PARP16: variants seen among roughly 807,000 people sequenced by gnomAD.
PARP16 encodes the protein poly(ADP-ribose) polymerase family member 16.
In PARP16, 31 loss-of-function variants were observed where a neutral mutation model predicts 35.0. The ratio of observed to expected loss-of-function variants is 0.88; its 90% CI spans 0.66 to 1.19. The LOEUF is 1.19. PARP16 is among the 50% of genes most tolerant of loss of function. PARP16 has a pLI of 0.00. For synonymous variants in PARP16, 162 were observed against 169.5 expected, an observed-to-expected ratio of 0.96 and a Z score of 0.34; for missense variants, 424 against 411.2, an observed-to-expected ratio of 1.03 and a Z score of -0.27.
intron 1 of PARP16, among the ~76,000 whole-genome samples, chr15:65,283,320 C>G (rs976422281): frequency 2.0e-5 from 3 of 151,984 alleles, no homozygotes; most frequent in Admixed American, 2.0e-4. Context: ...CCCTCTGACC[C>G]CAAACACTCC....
intron 3 of PARP16, among the ~76,000 whole-genome samples, chr15:65,238,178 G>A (rs1421735419): frequency 1.3e-5 from 2 of 152,126 alleles, no homozygotes; most frequent in Non-Finnish European, 2.9e-5. Context: ...CAGCTACTTG[G>A]GAGACTGAGG....
Position 65,239,452 on chromosome 15 carries a change from A to AAAAAG in PARP16, c.*98-4630_*98-4629insCTTTT, listed in dbSNP as rs34910178. On this transcript the variant is annotated intron_variant and NMD_transcript_variant, in intron 3 of 3. Transcript: ENST00000559805. ...AAAAAAAAAAAAAAAAAAAAAAAAAAAGAGAGAAAAGAAAAAAAAAAGAAA... is the reference window on the plus strand; with the variant it reads ...AAAAAAAAAAAAAAAAAAAAAAAAAAAAAAGAGAGAGAAAAGAAAAAAAAAAGAAA... 1.4e-3 allele frequency among the ~76,000 whole-genome samples: 154 copies of AAAAAG among 113,054 alleles called. 4 individuals are homozygous for AAAAAG. Among genetic ancestry groups the AAAAAG allele is most frequent in the African/African-American group, 4.2e-3 (132 of 31,630 alleles). The allele number at this position is 113,054 out of a possible 152,430, so 74.2% of individuals were successfully genotyped here.
At chr15:65,275,367 C>A (rs1031088930) in intron 1 of PARP16, among the ~76,000 whole-genome samples, 4 of 152,074 alleles carry the variant, frequency 2.6e-5, no homozygotes, top group Non-Finnish European at 5.9e-5. Context: ...GGGCTCTATT[C>A]CTCTACTAGC....
chr15:65,235,934 T>TG (rs2088869282), intron 3 of PARP16, among the ~76,000 whole-genome samples: 1 of 146,012 alleles, frequency 6.8e-6, no homozygotes, highest in African/African-American at 2.5e-5. Context: ...ACGATCTCAC[T>TG]GCAACCTCCG....
Position 65,286,525 on chromosome 15 carries a change from AGGGGCCGGGTTCCCAAGCCTG to A in PARP16, c.-120_-100del. 6.4e-6 allele frequency: 6 copies of A among 936,660 alleles called. No homozygotes were observed. The highest frequency in any genetic ancestry group is 8.9e-6 in the Non-Finnish European group (6 of 670,516). The allele number at this position is 936,660 out of a possible 1,614,324, so 58.0% of individuals were successfully genotyped here. On this transcript the variant is annotated 5_prime_UTR_variant, in exon 1 of 6. Coordinates refer to ENST00000649807, the MANE Select transcript of PARP16 (RefSeq NM_001316943.2). ...CTGGGCCCGCGGACAATGGGCCGTC[AGGGGCCGGGTTCCCAAGCCTG>A]GGGTGGAGCTAGGCAGGGGGCTGAG... is the stretch of plus-strand genomic sequence containing the variant.
chr15:65,277,662 G>C (rs889165167), intron 1 of PARP16, among the ~76,000 whole-genome samples: 1 of 152,174 alleles, frequency 6.6e-6, no homozygotes, highest in Non-Finnish European at 1.5e-5. Flanking sequence ...CAGGTGGCCC[G>C]ACTCCAGAGT....
chr15:65,283,247 G>C (rs2899707), intron 1 of PARP16, among the ~76,000 whole-genome samples: 61,107 of 151,772 alleles, frequency 0.4, 13,948 homozygotes, highest in East Asian at 0.85. Context: ...GACCAGTCTG[G>C]ACAACGTTGT....
At chr15:65,271,629 T>C (rs2090098443) in intron 1 of PARP16, among the ~76,000 whole-genome samples, 1 of 152,088 alleles carries the variant, frequency 6.6e-6, no homozygotes, top group African/African-American at 2.4e-5. Context: ...CCTGAGCTGA[T>C]GTGAGGTTTA....
chr15:65,249,781 G>T lies in PARP16; in HGVS notation c.203-1553C>A, dbSNP rs796663642. Among the ~76,000 whole-genome samples, 186 of 152,334 alleles carry T rather than the reference G, an allele frequency of 1.2e-3. 1 individual carries two copies. The highest frequency in any genetic ancestry group is 4.3e-3 in the African/African-American group (178 of 41,586). ...CAGGCAGTGGGGGTGGAAGGGAGGG[G>T]CCATCCCCTTCCTGCCCCACATTCA... On this transcript the variant is annotated intron_variant and NMD_transcript_variant, in intron 2 of 3. Transcript: ENST00000559805.
chr15:65,256,118 C>T (rs2140805516), downstream of PARP16, among the ~76,000 whole-genome samples: 1 of 152,342 alleles, frequency 6.6e-6, no homozygotes, highest in Non-Finnish European at 1.5e-5. Flanking sequence ...TCTTTGGCTT[C>T]CATGACACTT....
intron 3 of PARP16, among the ~76,000 whole-genome samples, chr15:65,264,361 C>T (rs890910782): frequency 2.0e-5 from 3 of 152,190 alleles, no homozygotes; most frequent in East Asian, 1.9e-4. Flanking sequence ...TGGACATTGA[C>T]GCTCAGGTTG....
At chr15:65,242,587 G>A (rs1312990747) in intron 3 of PARP16, among the ~76,000 whole-genome samples, 2 of 152,098 alleles carry the variant, frequency 1.3e-5, no homozygotes, top group African/African-American at 4.8e-5. Flanking sequence ...AGTTCTGATG[G>A]TATTATAGAT....
chr15:65,252,432 C>T (rs542441229), intron 2 of PARP16, among the ~76,000 whole-genome samples: 7 of 152,304 alleles, frequency 4.6e-5, no homozygotes, highest in Admixed American at 3.9e-4. Context: ...GGATAGCCTG[C>T]ACTTGCTCAA....
intron 1 of PARP16, among the ~76,000 whole-genome samples, chr15:65,276,682 G>T (rs1248408654): frequency 1.3e-5 from 2 of 151,470 alleles, no homozygotes; most frequent in Admixed American, 1.3e-4. Context: ...ATTTTTTTTA[G>T]TATAAATAAC....
At chr15:65,267,099 G>GGT (rs2089920729) in intron 2 of PARP16, among the ~76,000 whole-genome samples, 1 of 151,642 alleles carries the variant, frequency 6.6e-6, no homozygotes, top group African/African-American at 2.4e-5. Flanking sequence ...AAATTAGCCG[G>GGT]GTGTGGCAGT....
intron 3 of PARP16, among the ~76,000 whole-genome samples, chr15:65,244,562 T>A (rs2089160253): frequency 6.6e-6 from 1 of 152,112 alleles, no homozygotes; most frequent in Admixed American, 6.5e-5. Flanking sequence ...CTCAATGATC[T>A]CCCACCGGGT....
At chr15:65,253,334 CTCTT>C (rs2089410191), downstream of PARP16, among the ~76,000 whole-genome samples, 1 of 151,222 alleles carries the variant, frequency 6.6e-6, no homozygotes, top group African/African-American at 2.4e-5. Context: ...TAATTTCATT[CTCTT>C]TTTTTTTTTT....
downstream of PARP16, among the ~76,000 whole-genome samples, chr15:65,257,739 G>GA (rs1161030527): frequency 6.6e-6 from 1 of 151,628 alleles, no homozygotes; most frequent in Non-Finnish European, 1.5e-5. Flanking sequence ...TCTGACCCTA[G>GA]ACCATGTTAG....
At chr15:65,254,866 T>C (rs1489477982), downstream of PARP16, among the ~76,000 whole-genome samples, 1 of 152,142 alleles carries the variant, frequency 6.6e-6, no homozygotes, top group East Asian at 1.9e-4. Context: ...CAGAACAACT[T>C]CCCCTATTCT....
Sources: allele counts gnomAD v4.1 joint callset (sites outside exome capture counted in the v4.1 genomes callset), GRCh38; gene constraint gnomAD v4.1.1; transcripts MANE v1.5; gene names NCBI Gene and HGNC (gene_info 2026-07-23, HGNC 2026-07-21).